Variants in DENND2A observed in about 807,000 individuals in gnomAD.
The protein encoded by DENND2A is DENN domain containing 2A.
DENND2A carries 53 observed loss-of-function variants against 105.3 expected under a neutral mutation model. The observed-to-expected ratio is 0.50, with a 90% CI of 0.40 to 0.63. The LOEUF (loss-of-function observed/expected upper bound fraction) is 0.63. Ranked by LOEUF, DENND2A falls within the 30% of genes least tolerant of loss-of-function variation. DENND2A has a pLI of 0.00. For synonymous variants in DENND2A, 522 were observed against 508.4 expected (o/e 1.03, Z -0.36); for missense variants, 1,138 against 1,279.6 (o/e 0.89, Z 1.69).
In DENND2A at chr7:140,602,373, T is replaced by C; in HGVS notation, c.25A>G (p.Ile9Val). 2 of 1,586,178 alleles carry C rather than the reference T, an allele frequency of 1.3e-6. No individual in the cohort carries two copies. The highest frequency in any genetic ancestry group is 1.7e-6 in the Non-Finnish European group (2 of 1,170,204). MDMFSLDMIISDPAAEASR... is the reference protein window; with the variant it reads MDMFSLDMVISDPAAEASR... ...GCTTCTGCAGCTGGGTCACTGATGA[T>C]CATATCCAAGCTGAACATATCCATT... Residue 9 changes from isoleucine to valine, a missense_variant, in exon 3 of 20, where the codon ATC becomes GTC. Coordinates refer to ENST00000496613, the MANE Select transcript of DENND2A (RefSeq NM_015689.5).
At chr7:140,628,131 T>C (rs1800601572) in intron 1 of DENND2A, among the ~76,000 whole-genome samples, 2 of 152,222 alleles carry the variant, frequency 1.3e-5, no homozygotes, top group African/African-American at 4.8e-5. Context: ...AACAGTACCA[T>C]GTCCTCAACT....
chr7:140,620,269 G>A (rs1227899686), intron 1 of DENND2A, among the ~76,000 whole-genome samples: 1 of 144,532 alleles, frequency 6.9e-6, no homozygotes, highest in Non-Finnish European at 1.5e-5. Context: ...TGGAAAAAAC[G>A]TTCCTGTTGT....
At position 140,563,739 on chromosome 7, in the gene DENND2A, C is replaced by T. The variant is rs1041382698; in HGVS notation, c.1779+3347G>A. On this transcript the variant is annotated intron_variant, in intron 9 of 19. Coordinates refer to ENST00000496613, the MANE Select transcript of DENND2A (RefSeq NM_015689.5). Reference sequence around the variant, plus strand: ...AGTGGATCCCAGCACTTTGGAAGGCCGAGGTAGGGAGATCGCTTGAGCTCA... The same window carrying T: ...AGTGGATCCCAGCACTTTGGAAGGCTGAGGTAGGGAGATCGCTTGAGCTCA... 4.9e-5 allele frequency among the ~76,000 whole-genome samples: 7 copies of T among 143,378 alleles called. No individual in the cohort carries two copies. The East Asian group carries it at 1.5e-3, about 30-fold the overall frequency. 94.1% of individuals were successfully genotyped at this position (143,378 alleles called of 152,430 possible).
chr7:140,586,593 T>C (rs769128866), intron 4 of DENND2A, among the ~76,000 whole-genome samples: 1 of 151,930 alleles, frequency 6.6e-6, no homozygotes, highest in African/African-American at 2.4e-5. Context: ...AGAAAAGAAA[T>C]GGAGGAAGGA....
At chr7:140,583,756 C>T (rs1001584150) in intron 5 of DENND2A, among the ~76,000 whole-genome samples, 2 of 148,796 alleles carry the variant, frequency 1.3e-5, no homozygotes, top group South Asian at 2.1e-4. Flanking sequence ...GAAACCCCGT[C>T]TCTACTAAAA....
chr7:140,585,593 G>T lies in DENND2A; in HGVS notation c.1241C>A (p.Thr414Asn), dbSNP rs370908430. Reference protein sequence around the residue: ...SPTSSIPDTLTKQSLSKPAFF... With the variant: ...SPTSSIPDTLNKQSLSKPAFF... Reference sequence around the variant, plus strand: ...CCATTCCCAGGGGACTCATACCTTGGTGAGTGTGTCAGGGATGGAAGAGGT... The same window carrying T: ...CCATTCCCAGGGGACTCATACCTTGTTGAGTGTGTCAGGGATGGAAGAGGT... The change falls in exon 5 of 20, where the codon ACC (threonine) becomes AAC (asparagine). Residue 414 changes from threonine (T) to asparagine (N), a missense_variant. Transcript: ENST00000496613. 9 of 1,614,026 alleles carry T rather than the reference G, an allele frequency of 5.6e-6. No homozygotes were observed. In the African/African-American group the frequency reaches 1.1e-4, roughly 19 times the overall value.
At chr7:140,587,907 CTTTTA>C (rs1798855205) in intron 3 of DENND2A, 127 bp from the exon 4 acceptor site, 2 of 1,103,772 alleles carry the variant, frequency 1.8e-6, no homozygotes, top group Non-Finnish European at 2.4e-6. Context: ...CCGAAATCAA[CTTTTA>C]TTTTATTTCA....
At position 140,601,715 on chromosome 7, in the gene DENND2A, G is replaced by T. The variant is rs1299741755; in HGVS notation, c.683C>A (p.Thr228Asn). The change falls in exon 3 of 20, where the codon ACC (threonine) becomes AAC (asparagine). Residue 228 changes from threonine (T) to asparagine (N), a missense_variant. Around this residue, in one of 2 missense-constraint regions of DENND2A, gnomAD observed 511 missense variants for 499.9 expected, o/e 1.02. Coordinates refer to ENST00000496613, the MANE Select transcript of DENND2A (RefSeq NM_015689.5). ...HPSDLEGREP[T>N]PELVEDRKGS... ...TTTCCTGTCCTCCACAAGCTCAGGG[G>T]TGGGCTCCCTGCCTTCCAGGTCCGA... 4 of 1,614,092 alleles carry T rather than the reference G, an allele frequency of 2.5e-6. No individual in the cohort carries two copies. The South Asian group carries it at 4.4e-5, about 18-fold the overall frequency.
intron 12 of DENND2A, among the ~76,000 whole-genome samples, chr7:140,549,409 C>G (rs1264927010): frequency 6.6e-6 from 1 of 152,056 alleles, no homozygotes; most frequent in Non-Finnish European, 1.5e-5. Context: ...AGGCATGTGC[C>G]ACCACACCCA....
chr7:140,605,347 G>A (rs1374613675), intron 2 of DENND2A, among the ~76,000 whole-genome samples: 1 of 152,192 alleles, frequency 6.6e-6, no homozygotes, highest in Non-Finnish European at 1.5e-5. Context: ...TATTAGATGG[G>A]AAAACTGACT....
At chr7:140,525,687 T>G in intron 16 of DENND2A, 64 bp downstream of exon 16, 2 of 1,452,532 alleles carry the variant, frequency 1.4e-6, no homozygotes, top group Non-Finnish European at 1.9e-6. Context: ...GCTGGAGAGC[T>G]GAGCCCCAAA....
intron 9 of DENND2A, among the ~76,000 whole-genome samples, chr7:140,563,712 A>C (rs948304777): frequency 7.1e-6 from 1 of 141,762 alleles, no homozygotes. Context: ...AAAGCCAGGC[A>C]CAGTGGATCC....
chr7:140,609,160 C>T (rs1478497826), intron 1 of DENND2A, among the ~76,000 whole-genome samples: 1 of 152,198 alleles, frequency 6.6e-6, no homozygotes, highest in African/African-American at 2.4e-5. Flanking sequence ...CATTTTCCCA[C>T]TCAACTGCTT....
chr7:140,519,987 G>C (rs1795795296), intron 18 of DENND2A, among the ~76,000 whole-genome samples: 1 of 152,120 alleles, frequency 6.6e-6, no homozygotes, highest in South Asian at 2.1e-4. Context: ...CGTCTACACT[G>C]TGCCAGGCGG....
chr7:140,535,428 G>A (rs921459868), intron 14 of DENND2A, among the ~76,000 whole-genome samples: 1 of 152,058 alleles, frequency 6.6e-6, no homozygotes, highest in Admixed American at 6.6e-5. Flanking sequence ...ACACAGGCTG[G>A]GCTTCAAGAC....
intron 14 of DENND2A, among the ~76,000 whole-genome samples, chr7:140,530,716 T>C (rs1450646711): frequency 1.3e-5 from 2 of 151,724 alleles, no homozygotes; most frequent in East Asian, 3.9e-4. Flanking sequence ...GAGCTTAGGG[T>C]GAAGTGACTT....
chr7:140,540,305 C>T (rs1273129570), intron 14 of DENND2A, among the ~76,000 whole-genome samples: 5 of 152,266 alleles, frequency 3.3e-5, no homozygotes, highest in African/African-American at 1.2e-4. Flanking sequence ...ATGGGCACAA[C>T]GTGCCCGTGG....
Position 140,622,799 on chromosome 7 carries a change from T to C in DENND2A, c.-247-16993A>G, listed in dbSNP as rs541108519. ...GTTGCCCAGGCTGGTCTAGAACTTC[T>C]GGACTCAGGGGATCTGCCTGCCTTG... On this transcript the variant is annotated intron_variant, in intron 1 of 19. Coordinates refer to ENST00000496613, the MANE Select transcript of DENND2A (RefSeq NM_015689.5). Among the ~76,000 whole-genome samples, 3 of 152,258 alleles carry C rather than the reference T, an allele frequency of 2.0e-5. No individual in the cohort carries two copies. The East Asian group carries it at 5.8e-4, about 30-fold the overall frequency.
chr7:140,558,895 C>T (rs939682360), intron 10 of DENND2A, among the ~76,000 whole-genome samples: 5 of 148,624 alleles, frequency 3.4e-5, no homozygotes, highest in East Asian at 2.0e-4. Context: ...CTCTGCCGCC[C>T]GGGTTCAAGC....
Sources: allele counts gnomAD v4.1 joint callset (sites outside exome capture counted in the v4.1 genomes callset), GRCh38; gene constraint gnomAD v4.1.1; regional missense constraint gnomAD v4.1.1; transcripts MANE v1.5; gene names NCBI Gene and HGNC (gene_info 2026-07-23, HGNC 2026-07-21).